Variants in TNS3 observed in about 807,000 individuals in gnomAD.
TNS3 encodes the protein tensin-3.
Under a neutral mutation model 140.9 loss-of-function variants are expected in TNS3, and 45 were observed. The observed-to-expected ratio is 0.32, with a 90% CI of 0.25 to 0.41. The LOEUF (loss-of-function observed/expected upper bound fraction) is 0.41. TNS3 is among the 10% of genes least tolerant of loss of function. The pLI is 1.00. For synonymous variants in TNS3, 815 were observed against 788.4 expected (o/e 1.03, Z -0.56); for missense variants, 1,716 against 1,906.7 (o/e 0.90, Z 1.86).
intron 23 of TNS3, among the ~76,000 whole-genome samples, chr7:47,299,722 AGAG>A (rs1786273361): frequency 6.6e-6 from 1 of 152,290 alleles, no homozygotes. Flanking sequence ...AATGGGAGTA[AGAG>A]GAGAATTTTA....
intron 20 of TNS3, among the ~76,000 whole-genome samples, chr7:47,312,756 T>C (rs1407895665): frequency 7.3e-6 from 1 of 136,786 alleles, no homozygotes; most frequent in Non-Finnish European, 1.6e-5. Flanking sequence ...GGGGGAGGGA[T>C]AGCATTAAGA....
At chr7:47,317,851 G>A (rs536848133) in intron 20 of TNS3, among the ~76,000 whole-genome samples, 8 of 152,246 alleles carry the variant, frequency 5.3e-5, no homozygotes, top group South Asian at 2.1e-4. Flanking sequence ...AGACCCACCC[G>A]CTGAGTGGCC....
intron 4 of TNS3, among the ~76,000 whole-genome samples, chr7:47,450,084 T>A (rs1004454783): frequency 3.3e-5 from 5 of 152,110 alleles, no homozygotes; most frequent in African/African-American, 1.2e-4. Context: ...AGCACAGCAG[T>A]CTGTAGAATG....
chr7:47,479,187 G>C (rs1339262312), intron 4 of TNS3, among the ~76,000 whole-genome samples: 6 of 152,218 alleles, frequency 3.9e-5, no homozygotes, highest in African/African-American at 1.2e-4. Flanking sequence ...TGACAGCCCT[G>C]CAACCGGCAT....
rs202092684 is a variant in TNS3 at position 47,411,768 on chromosome 7, T to C, written c.682A>G (p.Ile228Val). The change falls in exon 13 of 31, where the codon ATC (isoleucine) becomes GTC (valine). Residue 228 changes from isoleucine to valine, a missense_variant. Ile to Val is a conservative substitution (Grantham distance 29). Transcript: ENST00000311160. The stretch of plus-strand genomic sequence containing the variant: ...AGAAGCTGGGCCGGCTCGATGACGA[T>C]GCAGATCCTGCTGGGGTTTTCTGGG... ...VGPENPSRIC[I>V]VIEPAQLLKG... 2.6e-5 allele frequency: 42 copies of C among 1,613,390 alleles called. No individual in the cohort carries two copies. Among genetic ancestry groups the C allele is most frequent in the Non-Finnish European group, 1.7e-6 (2 of 1,179,766 alleles).
chr7:47,548,062 G>A (rs614399), intron 1 of TNS3, among the ~76,000 whole-genome samples: 61,405 of 151,986 alleles, frequency 0.4, 13,079 homozygotes, highest in Non-Finnish European at 0.48. Flanking sequence ...CATCACACCC[G>A]GCTAATTTTG....
intron 2 of TNS3, among the ~76,000 whole-genome samples, chr7:47,512,030 ACTCCGTTG>A (rs1309436460): frequency 1.3e-5 from 2 of 152,048 alleles, no homozygotes; most frequent in Non-Finnish European, 2.9e-5. Context: ...TCACATTCTC[ACTCCGTTG>A]CACGAACAGC....
intron 15 of TNS3, among the ~76,000 whole-genome samples, chr7:47,398,664 G>C (rs1412979008): frequency 6.6e-6 from 1 of 152,036 alleles, no homozygotes; most frequent in Non-Finnish European, 1.5e-5. Flanking sequence ...GCATAGAAGG[G>C]ACTTACCTCA....
Position 47,475,533 on chromosome 7 carries a change from C to CGG in TNS3, c.-76+5568_-76+5569dup, listed in dbSNP as rs5884004. ...CCTCTGTAAACAGGCGGCACTTCCC[C>CGG]GGGGGGGGGGCCAGGCCCTCCCTGG... On this transcript the variant is annotated intron_variant, in intron 4 of 30. Coordinates refer to ENST00000311160, the MANE Select transcript of TNS3 (RefSeq NM_022748.12). Among the ~76,000 whole-genome samples, 877 of 151,238 alleles carry CGG rather than the reference C, an allele frequency of 5.8e-3. 6 individuals carry two copies. The highest frequency in any genetic ancestry group is 0.02 in the African/African-American group (824 of 41,236).
At chr7:47,401,412 T>C (rs546435369) in intron 13 of TNS3, among the ~76,000 whole-genome samples, 41 of 152,336 alleles carry the variant, frequency 2.7e-4, no homozygotes, top group Non-Finnish European at 5.3e-4. Flanking sequence ...CTGTGTGTAC[T>C]ATCCTAAATG....
chr7:47,414,063 C>A, intron 11 of TNS3, 66 bp from the exon 12 acceptor site: 1 of 1,540,218 alleles, frequency 6.5e-7, no homozygotes, highest in South Asian at 1.1e-5. Context: ...ATTTGGCAAT[C>A]AGAAAGACAG....
intron 4 of TNS3, among the ~76,000 whole-genome samples, chr7:47,478,075 C>T (rs1044606597): frequency 3.3e-5 from 5 of 152,218 alleles, no homozygotes; most frequent in African/African-American, 9.6e-5. Flanking sequence ...CACCACCACA[C>T]GGGGAGAGCA....
intron 27 of TNS3, among the ~76,000 whole-genome samples, chr7:47,289,787 G>A (rs576978000): frequency 6.6e-6 from 1 of 152,308 alleles, no homozygotes; most frequent in African/African-American, 2.4e-5. Context: ...TGGACAGCAG[G>A]ACTCAACTTT....
intron 10 of TNS3, 74 bp downstream of exon 10, chr7:47,424,027 C>T: frequency 6.8e-7 from 1 of 1,462,590 alleles, no homozygotes; most frequent in Non-Finnish European, 9.6e-7. Flanking sequence ...GAGGAGATGC[C>T]TCTTCTGTTT....
intron 3 of TNS3, among the ~76,000 whole-genome samples, chr7:47,503,165 T>G (rs1021607725): frequency 2.4e-4 from 37 of 152,226 alleles, no homozygotes; most frequent in African/African-American, 8.9e-4. Flanking sequence ...CCATTTCACC[T>G]CTGATGATTC....
chr7:47,363,343 A>G (rs943190856), intron 17 of TNS3, among the ~76,000 whole-genome samples: 1 of 152,184 alleles, frequency 6.6e-6, no homozygotes, highest in Admixed American at 6.5e-5. Flanking sequence ...CACCACCATC[A>G]GCAGCAGCAC....
At chr7:47,542,615 A>G (rs1022730666) in intron 1 of TNS3, among the ~76,000 whole-genome samples, 1 of 152,160 alleles carries the variant, frequency 6.6e-6, no homozygotes, top group Non-Finnish European at 1.5e-5. Context: ...GGGAGTTTCT[A>G]TGTGCCACCT....
chr7:47,532,229 C>G (rs1799434128), intron 1 of TNS3, among the ~76,000 whole-genome samples: 1 of 152,122 alleles, frequency 6.6e-6, no homozygotes, highest in Non-Finnish European at 1.5e-5. Context: ...GGGGGTGGGT[C>G]CTCAGTAAGG....
chr7:47,314,040 T>C (rs1787254869), intron 20 of TNS3, among the ~76,000 whole-genome samples: 1 of 152,212 alleles, frequency 6.6e-6, no homozygotes, highest in South Asian at 2.1e-4. Flanking sequence ...TCCTGGGCCA[T>C]TTCTCCTGAA....
Sources: allele counts gnomAD v4.1 joint callset (sites outside exome capture counted in the v4.1 genomes callset), GRCh38; gene constraint gnomAD v4.1.1; transcripts MANE v1.5; gene names NCBI Gene and HGNC (gene_info 2026-07-23, HGNC 2026-07-21).